Variants in RGS3 observed in about 807,000 individuals in gnomAD.
RGS3 encodes the protein regulator of G protein signaling 3.
In RGS3, 80 loss-of-function variants were observed where a neutral mutation model predicts 132.6. The observed-to-expected ratio is 0.60, with a 90% CI of 0.50 to 0.73. The LOEUF (loss-of-function observed/expected upper bound fraction) is 0.73. RGS3 is among the 30% of genes least tolerant of loss of function. The pLI, the probability that RGS3 is intolerant of heterozygous loss-of-function variation, is 0.00. For synonymous variants in RGS3, 598 were observed against 620.6 expected (o/e 0.96, Z 0.54); for missense variants, 1,382 against 1,530.8 (o/e 0.90, Z 1.62).
intron 15 of RGS3, 86 bp from the exon 14 acceptor site, chr9:113,517,455 C>A: frequency 9.2e-7 from 1 of 1,086,726 alleles, no homozygotes; most frequent in Non-Finnish European, 1.4e-6. Flanking sequence ...TTCTCTGTGG[C>A]TGGCTTTGAC....
At chr9:113,495,411 C>T (rs1228606578) in intron 7 of RGS3, among the ~76,000 whole-genome samples, 1 of 152,184 alleles carries the variant, frequency 6.6e-6, no homozygotes, top group Non-Finnish European at 1.5e-5. Context: ...AACTGTTCTC[C>T]TCCACTGAGC....
intron 7 of RGS3, among the ~76,000 whole-genome samples, chr9:113,490,650 T>C (rs1830476076): frequency 2.1e-5 from 3 of 145,732 alleles, no homozygotes; most frequent in South Asian, 2.1e-4. Flanking sequence ...GTTCAATATA[T>C]AATATATTAT....
At chr9:113,501,169 G>A (rs1342560747) in intron 10 of RGS3, among the ~76,000 whole-genome samples, 1 of 152,178 alleles carries the variant, frequency 6.6e-6, no homozygotes, top group Non-Finnish European at 1.5e-5. Flanking sequence ...TGCAGGGGGA[G>A]GAGGTGTTGT....
chr9:113,591,376 G>A lies in RGS3; in HGVS notation c.3059G>A (p.Arg1020Gln), dbSNP rs1426509509. 19 of 1,613,554 alleles carry A rather than the reference G, an allele frequency of 1.2e-5. No homozygotes were observed. Among genetic ancestry groups the A allele is most frequent in the Admixed American group, 8.3e-5 (5 of 60,008 alleles). Residue 1020 changes from arginine (R) to glutamine (Q), a missense_variant, in exon 21 of 25, where the codon CGG (arginine) becomes CAG (glutamine). Coordinates refer to ENST00000350696, the Ensembl canonical transcript of RGS3. This position sits in a 1 kb window ranked among gnomAD's most constrained non-coding sequence, Gnocchi z 4.4. ...GTTGGGGATGATGACGAAGCCTCCC[G>A]GAAGAGAAAGAGCAAAAACCTGTAC...
At chr9:113,461,995 C>T in intron 2 of RGS3, 1 of 1,609,752 alleles carries the variant, frequency 6.2e-7, no homozygotes, top group East Asian at 2.2e-5. Flanking sequence ...CCATGGCTAA[C>T]TCATGCTCCC....
At chr9:113,553,459 A>AAATATAT (rs1426114805) in intron 19 of RGS3, among the ~76,000 whole-genome samples, 4 of 58,692 alleles carry the variant, frequency 6.8e-5, no homozygotes, top group Non-Finnish European at 9.1e-5. Context: ...AAAAAAAAAA[A>AAATATAT]ATATATATAT....
chr9:113,520,826 CATTATT>C (rs932476698), intron 16 of RGS3, among the ~76,000 whole-genome samples: 2 of 151,986 alleles, frequency 1.3e-5, no homozygotes, highest in Non-Finnish European at 2.9e-5. Context: ...TTATTATTAT[CATTATT>C]ATTATTAATT....
At chr9:113,493,600 G>A (rs1021266553) in intron 7 of RGS3, among the ~76,000 whole-genome samples, 3 of 152,170 alleles carry the variant, frequency 2.0e-5, no homozygotes, top group African/African-American at 7.2e-5. Flanking sequence ...AGGACTGTCC[G>A]GTGGTAAGCT....
At chr9:113,508,086 A>G (rs996745207) in intron 13 of RGS3, among the ~76,000 whole-genome samples, 1 of 152,230 alleles carries the variant, frequency 6.6e-6, no homozygotes, top group African/African-American at 2.4e-5. Context: ...AGCTTGCGAC[A>G]TATCCCATAC....
chr9:113,554,410 A>G (rs1377609277), intron 19 of RGS3, among the ~76,000 whole-genome samples: 1 of 152,210 alleles, frequency 6.6e-6, no homozygotes, highest in East Asian at 1.9e-4. Context: ...AGTTCAAGCT[A>G]TTCTCCTGCC....
At chr9:113,456,849 G>A (rs945740591), upstream of RGS3, among the ~76,000 whole-genome samples, 31 of 151,962 alleles carry the variant, frequency 2.0e-4, no homozygotes, top group Admixed American at 1.2e-3. Flanking sequence ...CTTCCAGACT[G>A]GAGTACAATG....
At chr9:113,587,977 A>G (rs1372358420) in intron 20 of RGS3, among the ~76,000 whole-genome samples, 1 of 152,214 alleles carries the variant, frequency 6.6e-6, no homozygotes, top group Non-Finnish European at 1.5e-5. Context: ...TGGGGAGTCA[A>G]GGAAGCCCCG....
At chr9:113,516,942 G>T (rs927678941) in intron 15 of RGS3, among the ~76,000 whole-genome samples, 1 of 152,252 alleles carries the variant, frequency 6.6e-6, no homozygotes, top group African/African-American at 2.4e-5. Context: ...GACAAGTCCT[G>T]CTGGGTAATC....
intron 19 of RGS3, among the ~76,000 whole-genome samples, chr9:113,546,466 C>T (rs1198762411): frequency 6.6e-6 from 1 of 152,160 alleles, no homozygotes; most frequent in African/African-American, 2.4e-5. Flanking sequence ...GTAGTAGGTG[C>T]TCAGTAGAGG....
rs140253065 is a variant in RGS3, at chr9:113,524,163, T to A, written c.1870+1122T>A. 1.5e-3 allele frequency among the ~76,000 whole-genome samples: 226 copies of A among 152,226 alleles called. 1 individual carries two copies. Among genetic ancestry groups the A allele is most frequent in the Admixed American group, 4.4e-3 (67 of 15,298 alleles). ...CCTGCTGGAGGGCATTAGGTTGGAG[T>A]TCCAGTGGCCTCTGTTCCTGGGCTT... On this transcript the variant is annotated intron_variant, in intron 17 of 24. Transcript: ENST00000350696.
At chr9:113,521,305 A>C (rs1198442340) in intron 16 of RGS3, among the ~76,000 whole-genome samples, 7 of 152,186 alleles carry the variant, frequency 4.6e-5, no homozygotes, top group Admixed American at 4.6e-4. Flanking sequence ...TTTGTGCTAC[A>C]CTCAAGAAGC....
intron 21 of RGS3, chr9:113,594,057 C>A (rs1325327758): frequency 6.2e-7 from 1 of 1,612,978 alleles, no homozygotes. Context: ...TTTTTCCGCT[C>A]CCCCTCCTGG....
intron 19 of RGS3, chr9:113,580,925 G>C: frequency 2.0e-6 from 2 of 985,044 alleles, no homozygotes; most frequent in Non-Finnish European, 2.4e-6. Context: ...CCCACTCAGT[G>C]CCACTCTGTG....
chr9:113,500,004 C>A (rs1041730872), intron 10 of RGS3, among the ~76,000 whole-genome samples: 1 of 152,118 alleles, frequency 6.6e-6, no homozygotes, highest in African/African-American at 2.4e-5. Context: ...GATCAGGGGG[C>A]CTCCCTCGTG....
Sources: gnomAD v4.1 joint callset for allele counts (sites outside exome capture counted in the v4.1 genomes callset) on GRCh38, gnomAD v4.1.1 for gene constraint, Gnocchi (gnomAD v3.1) non-coding constraint, MANE v1.5 for transcripts, NCBI Gene and HGNC (gene_info 2026-07-23, HGNC 2026-07-21) for gene names.